COL5A3: variants seen among roughly 807,000 people sequenced by gnomAD.
COL5A3 encodes collagen type V alpha 3 chain.
COL5A3 carries 172 observed loss-of-function variants against 250.0 expected under a neutral mutation model. The observed-to-expected ratio is 0.69, with a 90% CI of 0.61 to 0.78. COL5A3 has a LOEUF of 0.78. COL5A3 is among the 30% of genes least tolerant of loss of function. The probability of loss-of-function intolerance (pLI) is 0.00; values close to 1 mark genes in which losing one functional copy is unlikely to be tolerated. For missense variants in COL5A3, 2,340 were observed against 2,334.4 expected (o/e 1.00, Z -0.05); for synonymous variants, 937 against 900.4 (o/e 1.04, Z -0.73).
chr19:9,999,359 A>ATTTTTT (rs1260247682), intron 8 of COL5A3, among the ~76,000 whole-genome samples: 1 of 141,308 alleles, frequency 7.1e-6, no homozygotes, highest in African/African-American at 2.7e-5. Context: ...ATGCCCAGCT[A>ATTTTTT]TTTTTTATTT....
At chr19:9,995,888 C>T in intron 15 of COL5A3, 178 bp downstream of exon 15, 2 of 679,836 alleles carry the variant, frequency 2.9e-6, no homozygotes, top group Non-Finnish European at 4.9e-6. Flanking sequence ...AAGCAATCCT[C>T]CCACCTCGGC....
intron 65 of COL5A3, among the ~76,000 whole-genome samples, chr19:9,961,716 G>A (rs1238782975): frequency 2.6e-5 from 4 of 151,826 alleles, no homozygotes; most frequent in South Asian, 2.1e-4. Flanking sequence ...CTGCCACCAC[G>A]CCCGGCTAAT....
Position 9,968,244 on chromosome 19 carries a change from C to G in COL5A3, c.4314+141G>C, listed in dbSNP as rs754604638. 125 of 989,826 alleles carry G rather than the reference C, an allele frequency of 1.3e-4. No individual in the cohort carries two copies. Among genetic ancestry groups the G allele is most frequent in the Non-Finnish European group, 1.8e-4 (115 of 652,206 alleles). The allele number at this position is 989,826 out of a possible 1,614,324, so 61.3% of individuals were successfully genotyped here. On this transcript the variant is annotated intron_variant, in intron 59 of 66. Transcript: ENST00000264828. This position sits in a 1 kb window ranked among gnomAD's most constrained non-coding sequence, Gnocchi z 4.1. ...ACCCCAGACGCAGCCTCCAACTTGC[C>G]AGTTCCCAGATACATCCCCCTATTT...
intron 20 of COL5A3, 56 bp from the exon 21 acceptor site, chr19:9,992,936 C>CT: frequency 6.2e-7 from 1 of 1,608,926 alleles, no homozygotes; most frequent in Non-Finnish European, 8.5e-7. Context: ...CATGTGAGCT[C>CT]TAGGGGTCCT....
chr19:9,967,831 G>A (rs776642519), intron 61 of COL5A3, 73 bp downstream of exon 61: 145 of 1,438,224 alleles, frequency 1.0e-4, no homozygotes, highest in Non-Finnish European at 1.2e-4. Flanking sequence ...AGGCAGAGAC[G>A]TGGAGGGTTC....
chr19:10,000,111 A>G (rs1339482770), intron 8 of COL5A3, among the ~76,000 whole-genome samples: 1 of 151,972 alleles, frequency 6.6e-6, no homozygotes, highest in Non-Finnish European at 1.5e-5. Flanking sequence ...TTAACATAAA[A>G]AAAAAGCCTA....
chr19:9,975,241 A>AT (rs574963857), intron 45 of COL5A3, among the ~76,000 whole-genome samples: 90 of 149,368 alleles, frequency 6.0e-4, no homozygotes, highest in East Asian at 1.8e-3. Context: ...TGCCCAGCAA[A>AT]TTTTTTTTTT....
chr19:9,966,642 T>G lies in COL5A3; in HGVS notation c.4563A>C (p.Thr1521=). 1 of 1,538,412 alleles carries G rather than the reference T, an allele frequency of 6.5e-7. No homozygotes were observed. The highest frequency in any genetic ancestry group is 2.4e-5 in the East Asian group (1 of 40,964). Reference sequence around the variant, plus strand: ...GCTGCTCCAGCTCCAAGCTCAGCGATGTGAGCGAGGCCAGCACCTCCTCCA... The same window carrying G: ...GCTGCTCCAGCTCCAAGCTCAGCGAGGTGAGCGAGGCCAGCACCTCCTCCA... ...GGLEEVLASL[T]SLSLELEQLR... is the part of the protein sequence containing the mutation. The change falls in exon 63 of 67, where the codon ACA becomes ACC. Residue 1521 remains threonine, a synonymous_variant. Coordinates refer to ENST00000264828, the MANE Select transcript of COL5A3 (RefSeq NM_015719.4).
At chr19:9,995,995 C>G (rs3745592) in intron 15 of COL5A3, 71 bp downstream of exon 15, 458,852 of 1,377,304 alleles carry the variant, frequency 0.33, 78,313 homozygotes, top group African/African-American at 0.49. Context: ...TTTCCCCATC[C>G]AGCACTGTAT....
chr19:9,970,635 G>A lies in COL5A3; in HGVS notation c.3923C>T (p.Pro1308Leu). 1 of 1,453,428 alleles carries A rather than the reference G, an allele frequency of 6.9e-7. No individual in the cohort carries two copies. The highest frequency in any genetic ancestry group is 9.1e-7 in the Non-Finnish European group (1 of 1,104,358). The allele number at this position is 1,453,428 out of a possible 1,614,324, so 90.0% of individuals were successfully genotyped here. Reference protein sequence around the residue: ...GASGEPGAPGPPGKRGPSGHM... With the variant: ...GASGEPGAPGLPGKRGPSGHM... ...CTTATCACTTACCCTCTTGCCGGGG[G>A]GCCCGGGGGCGCCGGGCTCCCCAGA... The change falls in exon 54 of 67, where the codon CCC (proline) becomes CTC (leucine). Residue 1308 changes from proline to leucine, a missense_variant. Pro to Leu is a moderately conservative substitution (Grantham distance 98). Transcript: ENST00000264828.
intron 64 of COL5A3, among the ~76,000 whole-genome samples, chr19:9,965,112 A>G (rs903481588): frequency 4.7e-4 from 71 of 150,950 alleles, no homozygotes; most frequent in Non-Finnish European, 9.3e-4. Flanking sequence ...TGAATTGCAC[A>G]GCCACTCTAT....
chr19:9,993,390 T>C lies in COL5A3; in HGVS notation c.1739A>G (p.Asp580Gly). 2 of 1,613,960 alleles carry C rather than the reference T, an allele frequency of 1.2e-6. No homozygotes were observed. Among genetic ancestry groups the C allele is most frequent in the Non-Finnish European group, 1.7e-6 (2 of 1,179,966 alleles). The change falls in exon 19 of 67, where the codon GAT (aspartate) becomes GGT (glycine). Residue 580 changes from aspartate (D) to glycine (G), a missense_variant. By Grantham distance (94) the Asp-to-Gly change is moderately conservative. Around this residue, in one of 3 missense-constraint regions of COL5A3, gnomAD observed 1,152 missense variants for 1,146.3 expected, o/e 1.00. Coordinates refer to ENST00000264828, the MANE Select transcript of COL5A3 (RefSeq NM_015719.4). ...CTCTTCCAAACTTACCCTCTCACCA[T>C]CCTCTCCTGGGGGACCGGGTTGCCC... ...HVGQPGPPGE[D>G]GERGAEGPPG...
Position 10,005,615 on chromosome 19 carries a change from G to A in COL5A3, c.537C>T (p.Ile179=). Residue 179 remains isoleucine (I), a synonymous_variant, in exon 4 of 67, where the codon ATC becomes ATT. Coordinates refer to ENST00000264828, the MANE Select transcript of COL5A3 (RefSeq NM_015719.4). Reference sequence around the variant, plus strand: ...CCAGCACAGTGAGTCCAGCTATGCTGATGAAGCGGGGGCCATGGCCCAAAA... The same window carrying A: ...CCAGCACAGTGAGTCCAGCTATGCTAATGAAGCGGGGGCCATGGCCCAAAA... ...PPVLGHGPRF[I]SIAGLTVLGT... is the part of the protein sequence containing the mutation. 6.2e-7 allele frequency: 1 copy of A among 1,614,158 alleles called. No individual in the cohort carries two copies. Among genetic ancestry groups the A allele is most frequent in the East Asian group, 2.2e-5 (1 of 44,882 alleles).
At chr19:9,997,946 G>A (rs369880956) in intron 10 of COL5A3, 38 bp downstream of exon 10, 5 of 1,612,204 alleles carry the variant, frequency 3.1e-6, no homozygotes, top group Non-Finnish European at 4.2e-6. Context: ...TCAGCTGGAA[G>A]GGAAAGACTG....
At chr19:9,961,564 T>TTC (rs1399795408) in intron 65 of COL5A3, among the ~76,000 whole-genome samples, 2 of 149,730 alleles carry the variant, frequency 1.3e-5, no homozygotes, top group East Asian at 1.9e-4. Context: ...ATTTAATTTT[T>TTC]TTTTTTTTTT....
At position 10,003,624 on chromosome 19, in the gene COL5A3, TG is replaced by T. The variant is rs1423176232; in HGVS notation, c.789del (p.Arg264GlyfsTer48). ...RKKGRGRKGK[G>X]RKKNKEIWTS... The stretch of plus-strand genomic sequence containing the variant: ...GTCCAAATTTCCTTGTTCTTTTTCC[TG>T]CCCTTCCCCTTGCGACCTCGCCCTT... On this transcript the variant is annotated frameshift_variant, in exon 6 of 67. Coordinates refer to ENST00000264828, the MANE Select transcript of COL5A3 (RefSeq NM_015719.4). LOFTEE classifies it high-confidence loss of function. 1 of 1,614,088 alleles carries T rather than the reference TG, an allele frequency of 6.2e-7. No homozygotes were observed. Among genetic ancestry groups the T allele is most frequent in the Non-Finnish European group, 8.5e-7 (1 of 1,180,032 alleles).
rs1052061326 is a variant in COL5A3, at chr19:10,009,927, C to G, written c.88+371G>C. Reference sequence around the variant, plus strand: ...GTGCATACTCACCTGTCGCAATACACACCGTCCCAGCACTGCCCTGTCACT... The same window carrying G: ...GTGCATACTCACCTGTCGCAATACAGACCGTCCCAGCACTGCCCTGTCACT... On this transcript the variant is annotated intron_variant, in intron 1 of 66. Transcript: ENST00000264828. The surrounding 1 kb of genome is among the most constrained non-coding windows in gnomAD (Gnocchi z 4.4). Among the ~76,000 whole-genome samples, 1 of 152,168 alleles carries G rather than the reference C, an allele frequency of 6.6e-6. No homozygotes were observed. The highest frequency in any genetic ancestry group is 1.5e-5 in the Non-Finnish European group (1 of 68,038).
At chr19:9,981,700 CAT>C (rs981056885) in intron 32 of COL5A3, among the ~76,000 whole-genome samples, 30 of 152,230 alleles carry the variant, frequency 2.0e-4, no homozygotes, top group Admixed American at 3.3e-4. Context: ...TGTGTATACA[CAT>C]GTCCTTTCAC....
At chr19:9,981,045 C>T in intron 33 of COL5A3, 43 bp downstream of exon 33, 1 of 1,603,062 alleles carries the variant, frequency 6.2e-7, no homozygotes, top group East Asian at 2.2e-5. Flanking sequence ...CCAGCCCTGT[C>T]CCCAAGTCCC....
Sources: allele counts gnomAD v4.1 joint callset (sites outside exome capture counted in the v4.1 genomes callset), GRCh38; gene constraint gnomAD v4.1.1; regional missense constraint gnomAD v4.1.1; non-coding constraint Gnocchi (gnomAD v3.1); transcripts MANE v1.5; gene names NCBI Gene and HGNC (gene_info 2026-07-23, HGNC 2026-07-21).